The following SLC44A5 variants were observed in gnomAD, a reference collection of about 807,000 sequenced individuals.
SLC44A5 encodes solute carrier family 44 member 5, also known as choline transporter-like protein 5.
SLC44A5 carries 57 observed loss-of-function variants against 101.8 expected under a neutral mutation model. That is an observed-to-expected ratio of 0.56 (90% CI 0.45 to 0.70). SLC44A5 has a LOEUF of 0.70. SLC44A5 is among the 30% of genes least tolerant of loss of function. The probability of loss-of-function intolerance (pLI) is 0.00; values close to 1 mark genes in which losing one functional copy is unlikely to be tolerated. For missense variants in SLC44A5, 737 were observed against 853.1 expected (o/e 0.86, Z 1.70); for synonymous variants, 281 against 290.9 (o/e 0.97, Z 0.35).
chr1:75,344,800 A>G (rs1658128779), intron 3 of SLC44A5, among the ~76,000 whole-genome samples: 1 of 152,118 alleles, frequency 6.6e-6, no homozygotes, highest in Admixed American at 6.6e-5. Context: ...GAATCGTAAG[A>G]TAATAAATTT....
chr1:75,355,035 G>A (rs1464903753), intron 3 of SLC44A5, among the ~76,000 whole-genome samples: 2 of 152,142 alleles, frequency 1.3e-5, no homozygotes, highest in Admixed American at 6.5e-5. Context: ...ACCACTGTGT[G>A]TTATCAGTTA....
chr1:75,570,268 C>T (rs1673005724), intron 1 of SLC44A5, among the ~76,000 whole-genome samples: 1 of 152,066 alleles, frequency 6.6e-6, no homozygotes, highest in Non-Finnish European at 1.5e-5. Flanking sequence ...GAATCTACTA[C>T]AAACAATAAC....
chr1:75,205,406 C>A (rs1000056368), intron 23 of SLC44A5: 1 of 152,162 alleles, frequency 6.6e-6, no homozygotes, highest in Non-Finnish European at 1.5e-5. Flanking sequence ...TTTTGGGGTG[C>A]ATTTTTACAT....
chr1:75,675,088 C>T, the SLC44A5 span, among the ~76,000 whole-genome samples: 7 of 152,072 alleles, frequency 4.6e-5, no homozygotes, highest in Non-Finnish European at 1.0e-4. Context: ...CTGTCTTGGC[C>T]ACCCAGGCTC....
chr1:75,497,548 T>C (rs751205702), intron 2 of SLC44A5, among the ~76,000 whole-genome samples: 5 of 152,144 alleles, frequency 3.3e-5, no homozygotes, highest in African/African-American at 9.6e-5. Context: ...AAATAAGTTG[T>C]AGAGATCTAA....
chr1:75,530,547 C>A (rs1389337517), intron 2 of SLC44A5, among the ~76,000 whole-genome samples: 1 of 152,134 alleles, frequency 6.6e-6, no homozygotes, highest in Non-Finnish European at 1.5e-5. Flanking sequence ...CCCTAGTTCC[C>A]AAATATGTCT....
At chr1:75,327,136 C>T (rs148281448) in intron 4 of SLC44A5, among the ~76,000 whole-genome samples, 1 of 151,124 alleles carries the variant, frequency 6.6e-6, no homozygotes, top group African/African-American at 2.4e-5. Flanking sequence ...GAATAAACAA[C>T]AAATTACCAA....
At chr1:75,433,896 G>A (rs1185994981) in intron 2 of SLC44A5, among the ~76,000 whole-genome samples, 2 of 152,074 alleles carry the variant, frequency 1.3e-5, no homozygotes, top group Non-Finnish European at 2.9e-5. Context: ...CATGGCAGCA[G>A]GCAAGACAGA....
At chr1:75,580,605 G>A (rs1175164797) in intron 1 of SLC44A5, among the ~76,000 whole-genome samples, 1 of 152,162 alleles carries the variant, frequency 6.6e-6, no homozygotes, top group Non-Finnish European at 1.5e-5. Context: ...TTTAGGGGCT[G>A]AGGAGGGTGG....
chr1:75,359,337 C>T (rs1044528114), intron 3 of SLC44A5, among the ~76,000 whole-genome samples: 2 of 150,212 alleles, frequency 1.3e-5, no homozygotes, highest in Non-Finnish European at 3.0e-5. Flanking sequence ...TGATCTCAAG[C>T]CATCCTTCCT....
At chr1:75,349,020 G>A (rs565980159) in intron 3 of SLC44A5, among the ~76,000 whole-genome samples, 1 of 152,316 alleles carries the variant, frequency 6.6e-6, no homozygotes, top group Admixed American at 6.5e-5. Context: ...TATTTAGAAT[G>A]TAGCATAGAG....
chr1:75,350,871 G>A (rs1245334020), intron 3 of SLC44A5, among the ~76,000 whole-genome samples: 6 of 137,344 alleles, frequency 4.4e-5, no homozygotes, highest in Middle Eastern at 4.0e-3. Context: ...TTCAGCCTGC[G>A]TGACAGGGTG....
intron 4 of SLC44A5, among the ~76,000 whole-genome samples, chr1:75,307,422 G>C (rs886390739): frequency 6.6e-6 from 1 of 152,076 alleles, no homozygotes; most frequent in Non-Finnish European, 1.5e-5. Context: ...CTTCCCACAG[G>C]CTTTATTAGA....
At chr1:75,216,819 T>G (rs929050574) in intron 18 of SLC44A5, among the ~76,000 whole-genome samples, 11 of 152,034 alleles carry the variant, frequency 7.2e-5, no homozygotes, top group African/African-American at 2.4e-4. Context: ...ATTTTGCTGT[T>G]GAGTTGTAGA....
At chr1:75,247,062 A>C (rs1649172029) in intron 7 of SLC44A5, among the ~76,000 whole-genome samples, 1 of 152,042 alleles carries the variant, frequency 6.6e-6, no homozygotes, top group African/African-American at 2.4e-5. Context: ...ACAGGACCAC[A>C]CTGGTTACTG....
At chr1:75,524,362 T>C (rs1670303612) in intron 2 of SLC44A5, among the ~76,000 whole-genome samples, 1 of 152,172 alleles carries the variant, frequency 6.6e-6, no homozygotes, top group African/African-American at 2.4e-5. Flanking sequence ...AATTACCCAG[T>C]CGCAGGTAGT....
chr1:75,617,547 C>A, the SLC44A5 span, among the ~76,000 whole-genome samples: 2 of 152,174 alleles, frequency 1.3e-5, no homozygotes, highest in East Asian at 3.8e-4. Flanking sequence ...GTTATTTTTT[C>A]AGCCCTTCTA....
chr1:75,306,561 C>CA lies in SLC44A5; in HGVS notation c.102-5877dup, dbSNP rs908893660. ...TAAATCACTAAAAAACAAATGCAAA[C>CA]AAAAAAAAAACCAATTAGATTTAAT... On this transcript the variant is annotated intron_variant, in intron 4 of 23. Coordinates refer to ENST00000370859, the MANE Select transcript of SLC44A5 (RefSeq NM_001130058.2). Among the ~76,000 whole-genome samples the CA allele has an allele frequency of 3.3e-3, 474 of 144,710 alleles. 1 individual carries two copies. Among genetic ancestry groups the CA allele is most frequent in the African/African-American group, 9.2e-3 (364 of 39,662 alleles). 94.9% of individuals were successfully genotyped at this position (144,710 alleles called of 152,430 possible).
At chr1:75,548,238 C>A (rs977679909) in intron 1 of SLC44A5, among the ~76,000 whole-genome samples, 1 of 151,976 alleles carries the variant, frequency 6.6e-6, no homozygotes, top group Non-Finnish European at 1.5e-5. Flanking sequence ...ATTTAGAGAC[C>A]AGTTTCCTTC....
Sources: allele counts gnomAD v4.1 joint callset (sites outside exome capture counted in the v4.1 genomes callset), GRCh38; gene constraint gnomAD v4.1.1; transcripts MANE v1.5; gene names NCBI Gene and HGNC (gene_info 2026-07-23, HGNC 2026-07-21).